CARS2: variants seen among roughly 807,000 people sequenced by gnomAD.
CARS2 encodes the protein probable cysteine--tRNA ligase, mitochondrial.
CARS2 carries 52 observed loss-of-function variants against 68.8 expected under a neutral mutation model. The ratio of observed to expected loss-of-function variants is 0.76; its 90% CI spans 0.61 to 0.95. CARS2 has a LOEUF of 0.95. Among genes scored for constraint, CARS2 ranks in the 40% least tolerant of loss-of-function variants. The probability of loss-of-function intolerance (pLI) is 0.00; values close to 1 mark genes in which losing one functional copy is unlikely to be tolerated. For missense variants in CARS2, 780 were observed against 754.2 expected (o/e 1.03, Z -0.40); for synonymous variants, 314 against 303.6 (o/e 1.03, Z -0.36).
chr13:110,676,947 A>AC lies in CARS2; in HGVS notation c.785+26dup. On this transcript the variant is annotated intron_variant, in intron 7 of 14. Coordinates refer to ENST00000257347, the MANE Select transcript of CARS2 (RefSeq NM_024537.4). The surrounding 1 kb of genome is among the most constrained non-coding windows in gnomAD (Gnocchi z 4.0). ...AGGCACCAGGGGAACTTGAGCCCCA[A>AC]CCCCCAGGAAGCGGCAGGCACCTTA... is the stretch of plus-strand genomic sequence containing the variant. The AC allele has an allele frequency of 6.6e-7, 1 of 1,505,410 alleles. No homozygotes were observed. Among genetic ancestry groups the AC allele is most frequent in the Non-Finnish European group, 8.9e-7 (1 of 1,120,510 alleles). The allele number at this position is 1,505,410 out of a possible 1,614,324, so 93.3% of individuals were successfully genotyped here.
chr13:110,684,344 G>T (rs1021300589), intron 5 of CARS2, among the ~76,000 whole-genome samples: 1 of 152,004 alleles, frequency 6.6e-6, no homozygotes, highest in Non-Finnish European at 1.5e-5. Flanking sequence ...TGCGGACACT[G>T]GTGTTGGTAA....
rs1429600093 is a variant in CARS2 at position 110,644,307 on chromosome 13, C to A, written c.1416+78G>T. The A allele has an allele frequency of 1.1e-5, 16 of 1,450,324 alleles. No homozygotes were observed. The Admixed American group carries it at 2.6e-4, about 23-fold the overall frequency. 89.8% of individuals were successfully genotyped at this position (1,450,324 alleles called of 1,614,324 possible). On this transcript the variant is annotated intron_variant, in intron 13 of 14. Transcript: ENST00000257347. ...TAGTGTGGCATCATAATGCTCTATTCCAAGTTAAAAGGGTAAAGGTTATTG... is the reference window on the plus strand; with the variant it reads ...TAGTGTGGCATCATAATGCTCTATTACAAGTTAAAAGGGTAAAGGTTATTG...
Position 110,687,930 on chromosome 13 carries a change from C to A in CARS2, c.465+17G>T, listed in dbSNP as rs1460353616. ...CCTGTCACCCTCATGGCAGGAACAA[C>A]CAGCCCCACACTTTACCTTCAGGGC... On this transcript the variant is annotated intron_variant, in intron 4 of 14. Transcript: ENST00000257347. 6.2e-7 allele frequency: 1 copy of A among 1,606,322 alleles called. No homozygotes were observed. The highest frequency in any genetic ancestry group is 1.3e-5 in the African/African-American group (1 of 74,932).
intron 3 of CARS2, among the ~76,000 whole-genome samples, chr13:110,694,038 A>AT (rs2063551633): frequency 6.6e-6 from 1 of 151,566 alleles, no homozygotes; most frequent in Non-Finnish European, 1.5e-5. Flanking sequence ...TTTGTTTTTT[A>AT]TTTTTTGAGA....
At chr13:110,667,014 T>C (rs2139763579) in intron 8 of CARS2, 4 of 878,240 alleles carry the variant, frequency 4.6e-6, no homozygotes, top group Non-Finnish European at 5.5e-6. Flanking sequence ...GACAACATTA[T>C]AGCTTCAGAA....
chr13:110,683,245 G>T, intron 5 of CARS2, 111 bp from the exon 6 acceptor site: 3 of 640,672 alleles, frequency 4.7e-6, no homozygotes, highest in South Asian at 2.6e-5. Context: ...CATAGCATTT[G>T]GCCCCATATA....
chr13:110,673,505 A>C (rs2062860539), intron 7 of CARS2, among the ~76,000 whole-genome samples: 1 of 152,212 alleles, frequency 6.6e-6, no homozygotes, highest in East Asian at 1.9e-4. Context: ...TTTTGACAAA[A>C]TTCAACAGCC....
chr13:110,647,550 AAAG>A (rs1281915824), intron 10 of CARS2, among the ~76,000 whole-genome samples: 28 of 151,842 alleles, frequency 1.8e-4, no homozygotes, highest in Admixed American at 3.3e-4. Context: ...CTGGCTCTGG[AAAG>A]AAGGAGCCCC....
chr13:110,697,265 C>A (rs545461864), intron 3 of CARS2, among the ~76,000 whole-genome samples: 2 of 152,356 alleles, frequency 1.3e-5, no homozygotes, highest in African/African-American at 4.8e-5. Context: ...CAGCCTTAGA[C>A]ATCACGCACC....
chr13:110,643,746 TTAAGAA>T (rs59122682), intron 13 of CARS2: 11,783 of 167,252 alleles, frequency 0.07, 520 homozygotes, highest in East Asian at 0.15. Flanking sequence ...GGTGGGGACT[TTAAGAA>T]TAAGGCAGGA....
At chr13:110,701,909 T>C (rs2063798031) in intron 2 of CARS2, among the ~76,000 whole-genome samples, 1 of 152,252 alleles carries the variant, frequency 6.6e-6, no homozygotes, top group East Asian at 1.9e-4. Flanking sequence ...TTGTTCATGT[T>C]CTAGAGTAAT....
rs906621802 is a variant in CARS2 at position 110,668,371 on chromosome 13, G to T, written c.786-898C>A. On this transcript the variant is annotated intron_variant, in intron 7 of 14. Coordinates refer to ENST00000257347, the MANE Select transcript of CARS2 (RefSeq NM_024537.4). This position sits in a 1 kb window ranked among gnomAD's most constrained non-coding sequence, Gnocchi z 4.1. ...ATCCTGGCTAACATGGTGAAACCCC[G>T]TCTCCACTAAAATACAAAAAATCAG... is the stretch of plus-strand genomic sequence containing the variant. 1.3e-5 allele frequency among the ~76,000 whole-genome samples: 2 copies of T among 152,008 alleles called. No individual in the cohort carries two copies. The highest frequency in any genetic ancestry group is 2.1e-4 in the South Asian group (1 of 4,812).
intron 3 of CARS2, among the ~76,000 whole-genome samples, chr13:110,694,894 G>A (rs1321902599): frequency 6.6e-6 from 1 of 152,124 alleles, no homozygotes; most frequent in Admixed American, 6.5e-5. Flanking sequence ...AATGTCCAAC[G>A]GTGGAAGAAT....
chr13:110,673,492 G>A (rs1213629981), intron 7 of CARS2, among the ~76,000 whole-genome samples: 2 of 152,106 alleles, frequency 1.3e-5, no homozygotes, highest in Admixed American at 6.6e-5. Flanking sequence ...TGCAGAAAAG[G>A]CCTTTTGACA....
chr13:110,684,955 A>C (rs964769205), intron 5 of CARS2, among the ~76,000 whole-genome samples: 2 of 152,214 alleles, frequency 1.3e-5, no homozygotes, highest in Admixed American at 6.5e-5. Flanking sequence ...TGAATTAATT[A>C]TATTTATACT....
chr13:110,668,164 T>A lies in CARS2; in HGVS notation c.786-691A>T, dbSNP rs1038634016. Among the ~76,000 whole-genome samples, 2 of 152,200 alleles carry A rather than the reference T, an allele frequency of 1.3e-5. No homozygotes were observed. Among genetic ancestry groups the A allele is most frequent in the African/African-American group, 4.8e-5 (2 of 41,458 alleles). On this transcript the variant is annotated intron_variant, in intron 7 of 14. Coordinates refer to ENST00000257347, the MANE Select transcript of CARS2 (RefSeq NM_024537.4). The surrounding 1 kb of genome is among the most constrained non-coding windows in gnomAD (Gnocchi z 4.1). The stretch of plus-strand genomic sequence containing the variant: ...CTGCTCCCACTGGTCTGGTTCCCTG[T>A]GCTCGGGGAAGCACTGCACACGGAG...
At chr13:110,695,372 G>C (rs975886080) in intron 3 of CARS2, among the ~76,000 whole-genome samples, 42 of 152,116 alleles carry the variant, frequency 2.8e-4, no homozygotes, top group Non-Finnish European at 1.0e-4. Context: ...GTTATTAAAA[G>C]TAATCTAGAT....
At chr13:110,679,261 G>A (rs977051979) in intron 6 of CARS2, among the ~76,000 whole-genome samples, 5 of 152,048 alleles carry the variant, frequency 3.3e-5, no homozygotes, top group Admixed American at 6.5e-5. Context: ...TGGGCGCGGT[G>A]GCTCACACCT....
rs185409714 is a variant in CARS2, at chr13:110,695,855, G to C, written c.393+5583C>G. ...AGGTTTGTTACACAGGTATACACGT[G>C]CCATGGTGGTTTGCTGCACCCATCA... On this transcript the variant is annotated intron_variant, in intron 3 of 14. Transcript: ENST00000257347. Among the ~76,000 whole-genome samples, 114 of 151,202 alleles carry C rather than the reference G, an allele frequency of 7.5e-4. 1 individual carries two copies. The East Asian group carries it at 0.021, about 27-fold the overall frequency.
Sources: allele counts gnomAD v4.1 joint callset (sites outside exome capture counted in the v4.1 genomes callset), GRCh38; gene constraint gnomAD v4.1.1; non-coding constraint Gnocchi (gnomAD v3.1); transcripts MANE v1.5; gene names NCBI Gene and HGNC (gene_info 2026-07-23, HGNC 2026-07-21).